The following ATP9A variants were observed in gnomAD, a reference collection of about 807,000 sequenced individuals.
ATP9A encodes ATPase phospholipid transporting 9A.
ATP9A carries 52 observed loss-of-function variants against 144.1 expected under a neutral mutation model. The ratio of observed to expected loss-of-function variants is 0.36; its 90% CI spans 0.29 to 0.45. ATP9A has a LOEUF of 0.45. Ranked by LOEUF, ATP9A falls within the 20% of genes least tolerant of loss-of-function variation. ATP9A has a pLI of 1.00. For missense variants in ATP9A, 947 were observed against 1,392.7 expected (o/e 0.68, Z 5.09); for synonymous variants, 582 against 557.4 (o/e 1.04, Z -0.62).
At chr20:51,627,711 A>G (rs778303343) in intron 16 of ATP9A, 28 bp from the exon 17 acceptor site, 36 of 1,594,922 alleles carry the variant, frequency 2.3e-5, no homozygotes, top group Non-Finnish European at 3.1e-5. Context: ...GTCGAGTGGG[A>G]GCGGTGCTGA....
chr20:51,734,952 C>A (rs1335669558), intron 1 of ATP9A: 1 of 207,594 alleles, frequency 4.8e-6, no homozygotes, highest in East Asian at 1.1e-4. Context: ...TGCTAAGGGT[C>A]TTAGGCTGTG....
At chr20:51,671,305 T>C in intron 11 of ATP9A, 48 bp from the exon 12 acceptor site, 1 of 1,583,418 alleles carries the variant, frequency 6.3e-7, no homozygotes, top group Non-Finnish European at 8.7e-7. Flanking sequence ...GATGTAAGGC[T>C]CCTTGTATCT....
chr20:51,717,926 C>CTCTGT (rs2077669359), intron 3 of ATP9A, among the ~76,000 whole-genome samples: 1 of 151,456 alleles, frequency 6.6e-6, no homozygotes, highest in Non-Finnish European at 1.5e-5. Flanking sequence ...TGCACTCCAG[C>CTCTGT]CTGGGTGACA....
intron 1 of ATP9A, among the ~76,000 whole-genome samples, chr20:51,760,701 G>A (rs907321434): frequency 2.0e-5 from 3 of 148,300 alleles, no homozygotes; most frequent in Admixed American, 1.4e-4. Flanking sequence ...ACTCCAGCCT[G>A]GGCGACAGAG....
Position 51,611,477 on chromosome 20 carries a change from C to T in ATP9A, c.2572-1312G>A, listed in dbSNP as rs977349738. Among the ~76,000 whole-genome samples the T allele has an allele frequency of 2.6e-5, 4 of 152,214 alleles. No individual in the cohort carries two copies. Among genetic ancestry groups the T allele is most frequent in the African/African-American group, 9.6e-5 (4 of 41,460 alleles). ...CACAAAGTCTTCATCTCGACAAGAGCACTTTGGGAAAAATAAAAACACTGT... is the reference window on the plus strand; with the variant it reads ...CACAAAGTCTTCATCTCGACAAGAGTACTTTGGGAAAAATAAAAACACTGT... On this transcript the variant is annotated intron_variant, in intron 23 of 27. Coordinates refer to ENST00000338821, the MANE Select transcript of ATP9A (RefSeq NM_006045.3). This position sits in a 1 kb window ranked among gnomAD's most constrained non-coding sequence, Gnocchi z 4.2.
In ATP9A at chr20:51,719,687, C is replaced by T. The variant is rs1289102715; in HGVS notation, c.327+6132G>A. 2.7e-5 allele frequency among the ~76,000 whole-genome samples: 4 copies of T among 146,450 alleles called. No homozygotes were observed. In the South Asian group the frequency reaches 6.4e-4, roughly 24 times the overall value. On this transcript the variant is annotated intron_variant, in intron 3 of 27. Coordinates refer to ENST00000338821, the MANE Select transcript of ATP9A (RefSeq NM_006045.3). ...GGCAGAGGTTGCAGTGAGCCAAGAT[C>T]GCACCACTGCACTCCAGCCTGGCAA...
intron 4 of ATP9A, among the ~76,000 whole-genome samples, chr20:51,705,678 T>TC (rs1383009736): frequency 6.6e-6 from 1 of 152,192 alleles, no homozygotes; most frequent in East Asian, 1.9e-4. Flanking sequence ...CCCATGGAAT[T>TC]CATCTTGTGA....
At chr20:51,694,218 A>T (rs1293165268) in intron 6 of ATP9A, 116 bp from the exon 7 acceptor site, 1 of 683,434 alleles carries the variant, frequency 1.5e-6, no homozygotes, top group African/African-American at 1.8e-5. Flanking sequence ...CAGCGACCAC[A>T]AGAGAAAATA....
At chr20:51,730,047 C>G in intron 1 of ATP9A, 69 bp from the exon 2 acceptor site, 1 of 1,376,630 alleles carries the variant, frequency 7.3e-7, no homozygotes, top group South Asian at 1.9e-5. Context: ...TCTGCCCACT[C>G]TTCGCAGATT....
chr20:51,727,512 G>A (rs1398257285), intron 2 of ATP9A, among the ~76,000 whole-genome samples: 1 of 151,792 alleles, frequency 6.6e-6, no homozygotes, highest in African/African-American at 2.4e-5. Context: ...ATTGAGCCCA[G>A]GAGGCGGAGA....
chr20:51,667,307 G>A (rs1001451708), intron 13 of ATP9A, among the ~76,000 whole-genome samples: 1 of 152,002 alleles, frequency 6.6e-6, no homozygotes, highest in African/African-American at 2.4e-5. Flanking sequence ...CAGCAACATG[G>A]CATGGGTGTA....
Position 51,715,465 on chromosome 20 carries a change from GTTGT to G in ATP9A, c.328-2395_328-2392del, listed in dbSNP as rs1208966889. ...CTGTGCCAAAACCCAAGTTTTCGTT[GTTGT>G]TTGTTTTTTCGAATGTTCCAGTTTC... On this transcript the variant is annotated intron_variant, in intron 3 of 27. Coordinates refer to ENST00000338821, the MANE Select transcript of ATP9A (RefSeq NM_006045.3). 2.0e-5 allele frequency among the ~76,000 whole-genome samples: 3 copies of G among 152,266 alleles called. No homozygotes were observed. The East Asian group carries it at 5.8e-4, about 29-fold the overall frequency.
chr20:51,631,831 A>T (rs2077271209), intron 15 of ATP9A, among the ~76,000 whole-genome samples: 1 of 152,182 alleles, frequency 6.6e-6, no homozygotes, highest in African/African-American at 2.4e-5. Context: ...CAAAACAGGG[A>T]CACAACCTTC....
At chr20:51,687,460 T>G (rs1429845650) in intron 9 of ATP9A, among the ~76,000 whole-genome samples, 1 of 152,162 alleles carries the variant, frequency 6.6e-6, no homozygotes, top group African/African-American at 2.4e-5. Flanking sequence ...GAGTGTCTAC[T>G]ACTGTACTAG....
intron 11 of ATP9A, 51 bp downstream of exon 11, chr20:51,674,102 A>G (rs1281009017): frequency 3.2e-6 from 5 of 1,564,080 alleles, no homozygotes; most frequent in African/African-American, 1.4e-5. Context: ...TTGAATGAGT[A>G]AAGAGAAGAA....
intron 9 of ATP9A, among the ~76,000 whole-genome samples, chr20:51,688,094 C>T (rs868772664): frequency 1.1e-4 from 17 of 152,204 alleles, no homozygotes; most frequent in South Asian, 4.1e-4. Flanking sequence ...ACTCAGCCTC[C>T]GTTCCGTCAT....
intron 1 of ATP9A, among the ~76,000 whole-genome samples, chr20:51,731,285 C>T (rs1489501210): frequency 1.3e-5 from 2 of 151,034 alleles, no homozygotes; most frequent in African/African-American, 2.4e-5. Flanking sequence ...GGCAACAGAG[C>T]GAGACTCCGT....
At chr20:51,759,679 T>C (rs1209838191) in intron 1 of ATP9A, among the ~76,000 whole-genome samples, 1 of 151,624 alleles carries the variant, frequency 6.6e-6, no homozygotes, top group Non-Finnish European at 1.5e-5. Context: ...GTCACAAAAA[T>C]AATAATAATA....
chr20:51,649,539 T>C (rs2077355167), intron 14 of ATP9A, among the ~76,000 whole-genome samples: 1 of 152,190 alleles, frequency 6.6e-6, no homozygotes, highest in South Asian at 2.1e-4. Flanking sequence ...CTACCTCATC[T>C]TTAGCAAGGA....
Sources: allele counts gnomAD v4.1 joint callset (sites outside exome capture counted in the v4.1 genomes callset), GRCh38; gene constraint gnomAD v4.1.1; non-coding constraint Gnocchi (gnomAD v3.1); transcripts MANE v1.5; gene names NCBI Gene and HGNC (gene_info 2026-07-23, HGNC 2026-07-21).